P3H2: variants seen among roughly 807,000 people sequenced by gnomAD.
The protein encoded by P3H2 is leprecan-like 1.
Under a neutral mutation model 87.0 loss-of-function variants are expected in P3H2, and 80 were observed. The ratio of observed to expected loss-of-function variants is 0.92; its 90% CI spans 0.77 to 1.11. P3H2 has a LOEUF of 1.11. Among genes scored for constraint, P3H2 ranks in the 50% least tolerant of loss-of-function variants. The probability of loss-of-function intolerance (pLI) is 0.00; values close to 1 mark genes in which losing one functional copy is unlikely to be tolerated. For missense variants in P3H2, 1,001 were observed against 923.9 expected, an observed-to-expected ratio of 1.08 and a Z score of -1.08; for synonymous variants, 367 against 359.3, an observed-to-expected ratio of 1.02 and a Z score of -0.24.
intron 1 of P3H2, among the ~76,000 whole-genome samples, chr3:190,029,726 C>T (rs947188926): frequency 3.9e-5 from 6 of 152,092 alleles, no homozygotes; most frequent in African/African-American, 1.4e-4. Flanking sequence ...GCTGGCCAGG[C>T]ACGGTGGCTC....
intron 1 of P3H2, among the ~76,000 whole-genome samples, chr3:190,095,724 C>T (rs1234416974): frequency 1.3e-5 from 2 of 151,722 alleles, no homozygotes; most frequent in African/African-American, 2.4e-5. Context: ...CCTCAGCCTC[C>T]CGAGTAGCTG....
intron 1 of P3H2, among the ~76,000 whole-genome samples, chr3:190,029,157 G>A (rs987063833): frequency 1.3e-5 from 2 of 152,198 alleles, no homozygotes; most frequent in Non-Finnish European, 2.9e-5. Context: ...TATTTATTAA[G>A]TGTCCATTGA....
chr3:190,054,873 T>C (rs370547773), intron 1 of P3H2, among the ~76,000 whole-genome samples: 12 of 152,254 alleles, frequency 7.9e-5, no homozygotes, highest in South Asian at 6.2e-4. Flanking sequence ...CCCCCCTCCA[T>C]CTTGTTCTCC....
rs932584521 is a variant in P3H2 at position 189,969,805 on chromosome 3, G to T, written c.1893+1011C>A. 3.7e-6 allele frequency: 6 copies of T among 1,606,704 alleles called. No individual in the cohort carries two copies. The African/African-American group carries it at 8.0e-5, about 22-fold the overall frequency. On this transcript the variant is annotated intron_variant, in intron 13 of 14. Transcript: ENST00000319332. Reference sequence around the variant, plus strand: ...CTTCTAAAATTTCTGGATCATCCAGGCCTGTTCCACCAATTATTCCAATCT... The same window carrying T: ...CTTCTAAAATTTCTGGATCATCCAGTCCTGTTCCACCAATTATTCCAATCT...
chr3:189,994,157 GC>G lies in P3H2; in HGVS notation c.759del (p.Pro254LeufsTer10). ...EDTECRTLCE[G>X]PQRFEEYEYL... is the part of the protein sequence containing the mutation. ...TACTCATATTCTTCAAATCTCTGAGGCCCCTCACATAGGGTCCGGCATTCTG... is the reference window on the plus strand; with the variant it reads ...TACTCATATTCTTCAAATCTCTGAGGCCCTCACATAGGGTCCGGCATTCTG... On this transcript the variant is annotated frameshift_variant, in exon 3 of 15. Transcript: ENST00000319332. LOFTEE classifies it high-confidence loss of function. 6.2e-7 allele frequency: 1 copy of G among 1,613,406 alleles called. No individual in the cohort carries two copies. The highest frequency in any genetic ancestry group is 1.1e-5 in the South Asian group (1 of 91,018).
intron 1 of P3H2, among the ~76,000 whole-genome samples, chr3:190,043,428 G>C (rs1725703490): frequency 6.6e-6 from 1 of 152,062 alleles, no homozygotes; most frequent in African/African-American, 2.4e-5. Flanking sequence ...GCAACTCTCA[G>C]CTTCTTCTTA....
Position 189,989,539 on chromosome 3 carries a change from T to C in P3H2, c.824-501A>G, listed in dbSNP as rs146390659. Among the ~76,000 whole-genome samples the C allele has an allele frequency of 5.0e-3, 758 of 152,324 alleles. 6 individuals carry two copies. The highest frequency in any genetic ancestry group is 0.018 in the African/African-American group (739 of 41,568). ...AGAAGTGAAGCAAAAGTGCTCTTTT[T>C]CTTTCTTAACATTTTCAAGCCAAAT... On this transcript the variant is annotated intron_variant, in intron 3 of 14. Transcript: ENST00000319332.
intron 13 of P3H2, 132 bp downstream of exon 13, chr3:189,970,684 C>T: frequency 1.5e-6 from 1 of 659,728 alleles, no homozygotes; most frequent in Non-Finnish European, 2.8e-6. Flanking sequence ...TATACATTTA[C>T]TGAAACTCTC....
intron 1 of P3H2, among the ~76,000 whole-genome samples, chr3:190,018,432 G>T (rs956689892): frequency 1.3e-5 from 2 of 152,176 alleles, no homozygotes; most frequent in Non-Finnish European, 2.9e-5. Flanking sequence ...AGTAGGCCAG[G>T]TGTAGTGGCT....
At chr3:190,014,442 C>G (rs1283325568) in intron 1 of P3H2, among the ~76,000 whole-genome samples, 1 of 152,140 alleles carries the variant, frequency 6.6e-6, no homozygotes, top group Non-Finnish European at 1.5e-5. Context: ...GGTTTGGCAG[C>G]TTAAGGTGAA....
intron 3 of P3H2, among the ~76,000 whole-genome samples, chr3:189,993,322 CAA>C (rs11337333): frequency 0.21 from 26,792 of 124,836 alleles, 2,736 homozygotes; most frequent in Non-Finnish European, 0.27. Context: ...AACTCTGTCT[CAA>C]AAAAAAAAAA....
chr3:189,977,209 T>G (rs1286202227), intron 8 of P3H2, among the ~76,000 whole-genome samples: 1 of 152,192 alleles, frequency 6.6e-6, no homozygotes, highest in Non-Finnish European at 1.5e-5. Context: ...TTCTAAACAG[T>G]AGAATATGGC....
chr3:189,973,499 C>CTTTTTTTTTTTTTTTTTTT (rs750495361), intron 10 of P3H2, among the ~76,000 whole-genome samples: 1 of 41,448 alleles, frequency 2.4e-5, no homozygotes, highest in African/African-American at 6.6e-5. Context: ...TTTTTTCTTT[C>CTTTTTTTTTTTTTTTTTTT]TTTCTTTCTT....
At chr3:190,058,107 A>G (rs1389152395) in intron 1 of P3H2, among the ~76,000 whole-genome samples, 6 of 152,176 alleles carry the variant, frequency 3.9e-5, no homozygotes, top group Non-Finnish European at 7.3e-5. Context: ...GGAAAATCCC[A>G]ATATCACCTC....
At chr3:190,028,029 GC>G (rs1365989848) in intron 1 of P3H2, among the ~76,000 whole-genome samples, 1 of 151,346 alleles carries the variant, frequency 6.6e-6, no homozygotes, top group Admixed American at 6.6e-5. Flanking sequence ...TGTCTCTTGA[GC>G]CCTCTGCACC....
intron 1 of P3H2, among the ~76,000 whole-genome samples, chr3:190,018,771 G>C (rs1476691321): frequency 6.6e-6 from 1 of 152,176 alleles, no homozygotes; most frequent in Non-Finnish European, 1.5e-5. Flanking sequence ...GTTTAAGTTA[G>C]ATATAGGCAT....
chr3:189,965,940 C>T (rs546562823), intron 13 of P3H2, among the ~76,000 whole-genome samples: 2 of 135,900 alleles, frequency 1.5e-5, no homozygotes, highest in African/African-American at 2.8e-5. Flanking sequence ...GAGCTGAGAT[C>T]GTGCTACTGC....
chr3:190,004,479 T>G (rs1248236953), intron 1 of P3H2, among the ~76,000 whole-genome samples: 1 of 151,738 alleles, frequency 6.6e-6, no homozygotes, highest in East Asian at 1.9e-4. Flanking sequence ...GCCTCCCGGG[T>G]TCACGCCATT....
chr3:189,969,659 A>G (rs1723111250), intron 13 of P3H2: 4 of 1,219,802 alleles, frequency 3.3e-6, no homozygotes, highest in Middle Eastern at 3.8e-4. Flanking sequence ...CTTGGAAGCC[A>G]GGATGGTGTG....
Sources: allele counts gnomAD v4.1 joint callset (sites outside exome capture counted in the v4.1 genomes callset), GRCh38; gene constraint gnomAD v4.1.1; transcripts MANE v1.5; gene names NCBI Gene and HGNC (gene_info 2026-07-23, HGNC 2026-07-21).